ACSL6: variants seen among roughly 807,000 people sequenced by gnomAD.
ACSL6 encodes acyl-CoA synthetase long chain family member 6, also known as long-chain-fatty-acid--CoA ligase 6.
ACSL6 carries 47 observed loss-of-function variants against 98.2 expected under a neutral mutation model. The ratio of observed to expected loss-of-function variants is 0.48; its 90% CI spans 0.38 to 0.61. The LOEUF (loss-of-function observed/expected upper bound fraction) is 0.61, where lower values mean the gene tolerates loss of function less well. Among genes scored for constraint, ACSL6 ranks in the 20% least tolerant of loss-of-function variants. ACSL6 has a pLI of 0.00. For missense variants in ACSL6, 761 were observed against 913.4 expected, an observed-to-expected ratio of 0.83 and a Z score of 2.15; for synonymous variants, 362 against 336.9, an observed-to-expected ratio of 1.07 and a Z score of -0.82.
intron 11 of ACSL6, 104 bp from the exon 12 acceptor site, chr5:131,973,504 C>A: frequency 1.6e-6 from 2 of 1,247,806 alleles, no homozygotes; most frequent in Non-Finnish European, 2.2e-6. Context: ...CACCCATGAC[C>A]CCCTGACCCA....
upstream of ACSL6, chr5:132,011,733 G>C (rs991851388): frequency 1.2e-5 from 15 of 1,302,762 alleles, no homozygotes; most frequent in Non-Finnish European, 1.5e-5. The surrounding 1 kb of genome is among the most constrained non-coding windows in gnomAD (Gnocchi z 5.4). Context: ...ACGGCTCAAG[G>C]GGGAGGGCGC....
chr5:131,981,379 G>A (rs557432450), intron 9 of ACSL6, among the ~76,000 whole-genome samples: 1 of 147,290 alleles, frequency 6.8e-6, no homozygotes, highest in Admixed American at 6.8e-5. Flanking sequence ...CACACACATG[G>A]AAAAGTGCCC....
intron 2 of ACSL6, among the ~76,000 whole-genome samples, chr5:131,992,662 CA>C (rs962698142): frequency 1.3e-5 from 2 of 152,216 alleles, no homozygotes; most frequent in Admixed American, 6.5e-5. Flanking sequence ...CAGATGCCTG[CA>C]GCTGCTTTCT....
intron 14 of ACSL6, among the ~76,000 whole-genome samples, chr5:131,971,113 G>A (rs148058069): frequency 2.0e-5 from 3 of 152,308 alleles, no homozygotes; most frequent in Admixed American, 2.0e-4. Flanking sequence ...GGAAAATGAA[G>A]AAATAAACTT....
Position 131,971,654 on chromosome 5 carries a change from A to T in ACSL6, c.1339-9T>A. 1 of 1,594,596 alleles carries T rather than the reference A, an allele frequency of 6.3e-7. No individual in the cohort carries two copies. The highest frequency in any genetic ancestry group is 8.5e-7 in the Non-Finnish European group (1 of 1,169,670). ...CACCCACCAAGACTGGCCTGTGGGA[A>T]GAAAGAAGAGCTGCCAAATTTTGTG... is the stretch of plus-strand genomic sequence containing the variant. On this transcript the variant is annotated splice_polypyrimidine_tract_variant and intron_variant, in intron 13 of 20. Coordinates refer to ENST00000651883, the MANE Select transcript of ACSL6 (RefSeq NM_001009185.3).
intron 15 of ACSL6, 75 bp from the exon 16 acceptor site, chr5:131,968,103 A>T: frequency 7.4e-7 from 1 of 1,353,548 alleles, no homozygotes; most frequent in Admixed American, 1.8e-5. Flanking sequence ...CAAGCCCCTT[A>T]AAATCTCTGA....
intron 19 of ACSL6, chr5:131,959,913 G>GGCCCAGT (rs1278982824): frequency 2.5e-6 from 1 of 401,846 alleles, no homozygotes; most frequent in African/African-American, 2.0e-5. Flanking sequence ...CAGGGCCCAG[G>GGCCCAGT]GTCCCGTAGG....
At chr5:131,965,733 AT>A (rs1426662956) in intron 17 of ACSL6, among the ~76,000 whole-genome samples, 1 of 152,212 alleles carries the variant, frequency 6.6e-6, no homozygotes, top group African/African-American at 2.4e-5. Flanking sequence ...TAAATAAATA[AT>A]AAAGGATAAA....
At chr5:131,963,385 A>G (rs1752837810) in intron 17 of ACSL6, among the ~76,000 whole-genome samples, 1 of 152,050 alleles carries the variant, frequency 6.6e-6, no homozygotes, top group Admixed American at 6.5e-5. Context: ...GCCACTGACA[A>G]TGCACCTTGG....
chr5:131,986,956 TACAC>T, intron 7 of ACSL6, 102 bp from the exon 8 acceptor site: 5 of 1,066,438 alleles, frequency 4.7e-6, no homozygotes, highest in Non-Finnish European at 5.5e-6. Context: ...CACATACACA[TACAC>T]ACACACACAT....
intron 17 of ACSL6, among the ~76,000 whole-genome samples, chr5:131,965,685 G>A (rs1315337067): frequency 2.0e-5 from 3 of 152,180 alleles, no homozygotes; most frequent in African/African-American, 4.8e-5. Flanking sequence ...TCTCGTCACT[G>A]CACTCCAGTC....
intron 20 of ACSL6, among the ~76,000 whole-genome samples, chr5:131,955,402 T>G (rs1193670149): frequency 1.3e-5 from 2 of 152,262 alleles, no homozygotes; most frequent in Admixed American, 6.5e-5. Flanking sequence ...TAGAATATAC[T>G]TTTTTCCTAA....
At chr5:131,959,467 A>C in intron 20 of ACSL6, 69 bp downstream of exon 20, 2 of 1,509,772 alleles carry the variant, frequency 1.3e-6, no homozygotes, top group Non-Finnish European at 1.8e-6. Context: ...GGTCAGGGTC[A>C]CCATGGGTTA....
intron 1 of ACSL6, among the ~76,000 whole-genome samples, chr5:132,000,230 G>T (rs1053407635): frequency 6.6e-6 from 1 of 152,168 alleles, no homozygotes; most frequent in African/African-American, 2.4e-5. Flanking sequence ...GCTCTGGGGA[G>T]TGAGGACACT....
Position 131,954,293 on chromosome 5 carries a change from G to T in ACSL6, c.2110C>A (p.Pro704Thr). 6.2e-7 allele frequency: 1 copy of T among 1,613,924 alleles called. No homozygotes were observed. Among genetic ancestry groups the T allele is most frequent in the Middle Eastern group, 1.7e-4 (1 of 6,056 alleles). ...TTTTTGAAGTACTCTCTCAGCTCAG[G>T]TCTCTTAGCTTTTAGTGTTGGTGTC... ...LLTPTLKAKR[P>T]ELREYFKKQI... The change falls in exon 21 of 21, where the codon CCT (proline) becomes ACT (threonine). Residue 704 changes from proline to threonine, a missense_variant. Pro to Thr is a conservative substitution (Grantham distance 38, BLOSUM62 -1). Transcript: ENST00000651883.
chr5:131,984,385 G>A (rs1256240036), intron 9 of ACSL6: 1 of 152,220 alleles, frequency 6.6e-6, no homozygotes. Flanking sequence ...TCATCAAGAT[G>A]GGCCAATCCT....
At chr5:131,986,704 G>T in intron 8 of ACSL6, 118 bp downstream of exon 8, 1 of 1,279,320 alleles carries the variant, frequency 7.8e-7, no homozygotes, top group South Asian at 1.2e-5. Context: ...TTCCTGGCTT[G>T]CACACAGGAG....
intron 17 of ACSL6, among the ~76,000 whole-genome samples, chr5:131,965,389 A>G (rs1408840734): frequency 6.6e-6 from 1 of 152,188 alleles, no homozygotes; most frequent in East Asian, 1.9e-4. Flanking sequence ...CACAAAAATA[A>G]CTTTATTTTT....
intron 1 of ACSL6, among the ~76,000 whole-genome samples, chr5:132,010,474 A>G (rs1755653406): frequency 6.6e-6 from 1 of 152,270 alleles, no homozygotes; most frequent in Non-Finnish European, 1.5e-5. Context: ...AATAACACGT[A>G]CAAAGCCTCA....
Sources: gnomAD v4.1 joint callset for allele counts (sites outside exome capture counted in the v4.1 genomes callset) on GRCh38, gnomAD v4.1.1 for gene constraint, Gnocchi (gnomAD v3.1) non-coding constraint, MANE v1.5 for transcripts, NCBI Gene and HGNC (gene_info 2026-07-23, HGNC 2026-07-21) for gene names.